The following CFAP69 variants were observed in gnomAD, a reference collection of about 807,000 sequenced individuals.
The protein encoded by CFAP69 is cilia and flagella associated protein 69, also known as cilia- and flagella-associated protein 69.
A neutral mutation model predicts 123.0 loss-of-function variants in CFAP69; 92 were observed. The ratio of observed to expected loss-of-function variants is 0.75; its 90% CI spans 0.63 to 0.89. The LOEUF is 0.89. Ranked by LOEUF, CFAP69 falls within the 40% of genes least tolerant of loss-of-function variation. The probability of loss-of-function intolerance (pLI) is 0.00; values close to 1 mark genes in which losing one functional copy is unlikely to be tolerated. For missense variants in CFAP69, 1,067 were observed against 1,096.9 expected (o/e 0.97, Z 0.39); for synonymous variants, 380 against 364.3 (o/e 1.04, Z -0.49).
At chr7:90,274,150 G>A in intron 9 of CFAP69, 40 bp downstream of exon 9, 1 of 1,581,830 alleles carries the variant, frequency 6.3e-7, no homozygotes, top group Non-Finnish European at 8.5e-7. Flanking sequence ...AATTGTGGAA[G>A]TGGTGGGCTT....
chr7:90,249,112 T>C (rs1796667550), intron 1 of CFAP69, among the ~76,000 whole-genome samples: 1 of 152,160 alleles, frequency 6.6e-6, no homozygotes, highest in Non-Finnish European at 1.5e-5. Context: ...TCATCTCGAA[T>C]TGTAATCCCC....
At chr7:90,270,632 AAAGAT>A (rs1799815309) in intron 6 of CFAP69, among the ~76,000 whole-genome samples, 1 of 152,120 alleles carries the variant, frequency 6.6e-6, no homozygotes, top group African/African-American at 2.4e-5. Context: ...TCATATTTAC[AAAGAT>A]AAGACAAACT....
chr7:90,315,811 G>A (rs1246192650), downstream of CFAP69, among the ~76,000 whole-genome samples: 1 of 152,128 alleles, frequency 6.6e-6, no homozygotes, highest in Non-Finnish European at 1.5e-5. Context: ...AAAAGATTCT[G>A]GCCAGGCTTG....
the CFAP69 span, among the ~76,000 whole-genome samples, chr7:90,323,176 C>A: frequency 5.3e-5 from 8 of 152,212 alleles, no homozygotes; most frequent in Non-Finnish European, 1.0e-4. Context: ...TTGGTGTCTA[C>A]CCCCAAGTCA....
intron 6 of CFAP69, among the ~76,000 whole-genome samples, chr7:90,269,150 A>G (rs1799591723): frequency 6.6e-6 from 1 of 152,038 alleles, no homozygotes; most frequent in Non-Finnish European, 1.5e-5. Flanking sequence ...AAAAAATGGA[A>G]CAGCACCTAA....
chr7:90,302,454 G>T (rs1792948951), intron 17 of CFAP69: 1 of 152,078 alleles, frequency 6.6e-6, no homozygotes, highest in African/African-American at 2.4e-5. Context: ...TATAGTTTTG[G>T]GTTTTACATT....
intron 2 of CFAP69, 38 bp downstream of exon 2, chr7:90,255,520 A>G: frequency 2.1e-6 from 3 of 1,436,198 alleles, no homozygotes; most frequent in East Asian, 2.3e-5. Context: ...CCGCTGCATT[A>G]CTTACAAACT....
intron 5 of CFAP69, among the ~76,000 whole-genome samples, chr7:90,267,558 G>A (rs562209258): frequency 2.0e-5 from 3 of 152,274 alleles, no homozygotes; most frequent in Admixed American, 6.5e-5. Context: ...CAATTTAATT[G>A]TAGTTTAGAT....
At chr7:90,246,816 A>AT (rs11368221) in intron 1 of CFAP69, among the ~76,000 whole-genome samples, 9,671 of 144,422 alleles carry the variant, frequency 0.067, 367 homozygotes, top group Non-Finnish European at 0.096. Flanking sequence ...GCAAGCGTGG[A>AT]TTTTTTTTTT....
At position 90,304,125 on chromosome 7, in the gene CFAP69, A is replaced by G. The variant is rs1793209242; in HGVS notation, c.2188+19A>G. On this transcript the variant is annotated intron_variant, in intron 18 of 22. Coordinates refer to ENST00000389297, the MANE Select transcript of CFAP69 (RefSeq NM_001039706.3). ...AAACTAGGTAAGAAGTTCTCTTCAA[A>G]TTTGCAAGAGTCTGTTTTGCTAAGT... The G allele has an allele frequency of 1.3e-6, 2 of 1,542,376 alleles. No homozygotes were observed. The highest frequency in any genetic ancestry group is 2.8e-5 in the African/African-American group (2 of 72,604).
Position 90,266,784 on chromosome 7 carries a change from G to T in CFAP69, c.433+1407G>T, listed in dbSNP as rs564999160. On this transcript the variant is annotated intron_variant, in intron 5 of 22. Transcript: ENST00000389297. ...AACATTAATTTAAACTAAAATAATT[G>T]TATATAAGATGAAATGTTGAACAAA... Among the ~76,000 whole-genome samples, 63 of 152,056 alleles carry T rather than the reference G, an allele frequency of 4.1e-4. No homozygotes were observed. In the South Asian group the frequency reaches 0.013, roughly 31 times the overall value.
chr7:90,290,866 C>T lies in CFAP69; in HGVS notation c.1775+2514C>T, dbSNP rs1041971547. On this transcript the variant is annotated intron_variant, in intron 15 of 22. Transcript: ENST00000389297. Reference sequence around the variant, plus strand: ...TTAGAAAGGGGACACAGGAAAGTGACCACAGCAGGCTTGCAATTTCTGGGA... The same window carrying T: ...TTAGAAAGGGGACACAGGAAAGTGATCACAGCAGGCTTGCAATTTCTGGGA... Among the ~76,000 whole-genome samples, 5 of 151,066 alleles carry T rather than the reference C, an allele frequency of 3.3e-5. No individual in the cohort carries two copies. In the South Asian group the frequency reaches 6.2e-4, roughly 19 times the overall value.
At chr7:90,291,244 G>A (rs951252978) in intron 15 of CFAP69, among the ~76,000 whole-genome samples, 1 of 152,116 alleles carries the variant, frequency 6.6e-6, no homozygotes, top group Non-Finnish European at 1.5e-5. Flanking sequence ...TTGATGATAT[G>A]CCAAACAAGG....
intron 17 of CFAP69, chr7:90,300,657 T>C (rs949707371): frequency 5.8e-6 from 1 of 172,564 alleles, no homozygotes; most frequent in Non-Finnish European, 1.0e-5. Context: ...TTTTTTTTCT[T>C]TTTTTTTTGT....
rs1789715033 is a variant in CFAP69, at chr7:90,282,982, G to A, written c.1463G>A (p.Arg488Lys). Residue 488 changes from arginine to lysine, a missense_variant, in exon 13 of 23, where the codon AGA becomes AAA. Arg to Lys is a conservative substitution (Grantham distance 26). Coordinates refer to ENST00000389297, the MANE Select transcript of CFAP69 (RefSeq NM_001039706.3). ...AQMRYSLRLLRAVVYLEDETV... is the reference protein window; with the variant it reads ...AQMRYSLRLLKAVVYLEDETV... Reference sequence around the variant, plus strand: ...ATGCGTTACAGTTTAAGACTCCTGAGAGCCGTGGTCTACCTTGAAGATGAG... The same window carrying A: ...ATGCGTTACAGTTTAAGACTCCTGAAAGCCGTGGTCTACCTTGAAGATGAG... 1 of 1,601,372 alleles carries A rather than the reference G, an allele frequency of 6.2e-7. No individual in the cohort carries two copies. The highest frequency in any genetic ancestry group is 8.5e-7 in the Non-Finnish European group (1 of 1,174,610).
At position 90,271,635 on chromosome 7, in the gene CFAP69, A is replaced by G. The variant is rs368292407; in HGVS notation, c.642A>G (p.Lys214=). 3 of 1,613,574 alleles carry G rather than the reference A, an allele frequency of 1.9e-6. No homozygotes were observed. In the African/African-American group the frequency reaches 4.0e-5, roughly 22 times the overall value. Residue 214 remains lysine, a synonymous_variant, in exon 7 of 23, where the codon AAA becomes AAG. Transcript: ENST00000389297. ...MTLLENQLVE[K]LWVLKVLQHL... is the part of the protein sequence containing the mutation. ...TGCTTGAAAATCAACTTGTTGAGAAACTTTGGGTACTTAAAGTTCTGCAGC... is the reference window on the plus strand; with the variant it reads ...TGCTTGAAAATCAACTTGTTGAGAAGCTTTGGGTACTTAAAGTTCTGCAGC...
chr7:90,303,847 AT>A (rs1249134007), intron 17 of CFAP69, 121 bp from the exon 18 acceptor site: 6 of 1,295,552 alleles, frequency 4.6e-6, no homozygotes, highest in South Asian at 2.3e-5. Flanking sequence ...AATAGGCACT[AT>A]TTTTTTGCTA....
intron 15 of CFAP69, among the ~76,000 whole-genome samples, chr7:90,294,125 C>CT (rs1364271456): frequency 4.6e-5 from 7 of 152,144 alleles, no homozygotes. Flanking sequence ...CTTTGCATAG[C>CT]TAGGGGGCAT....
intron 4 of CFAP69, among the ~76,000 whole-genome samples, chr7:90,264,694 T>C (rs6972119): frequency 0.46 from 69,420 of 152,022 alleles, 16,965 homozygotes; most frequent in Non-Finnish European, 0.55. Context: ...CATGAAGCGA[T>C]GCAAAATGGC....
Sources: gnomAD v4.1 joint callset for allele counts (sites outside exome capture counted in the v4.1 genomes callset) on GRCh38, gnomAD v4.1.1 for gene constraint, MANE v1.5 for transcripts, NCBI Gene and HGNC (gene_info 2026-07-23, HGNC 2026-07-21) for gene names.